NEDD4L: variants seen among roughly 807,000 people sequenced by gnomAD.
NEDD4L encodes E3 ubiquitin-protein ligase NEDD4-like.
Under a neutral mutation model 148.9 loss-of-function variants are expected in NEDD4L, and 54 were observed. The observed-to-expected ratio is 0.36, with a 90% CI of 0.29 to 0.45. NEDD4L has a LOEUF of 0.45. Among genes scored for constraint, NEDD4L ranks in the 20% least tolerant of loss-of-function variants. The pLI is 1.00. For synonymous variants in NEDD4L, 433 were observed against 440.7 expected (o/e 0.98, Z 0.22); for missense variants, 856 against 1,233.8 (o/e 0.69, Z 4.59).
chr18:58,277,853 T>A (rs1429442439), intron 5 of NEDD4L, among the ~76,000 whole-genome samples: 1 of 152,306 alleles, frequency 6.6e-6, no homozygotes, highest in East Asian at 1.9e-4. Context: ...TTTAACTACT[T>A]CTCCATTGTT....
At chr18:58,108,098 A>G (rs2085185988) in intron 1 of NEDD4L, among the ~76,000 whole-genome samples, 1 of 152,204 alleles carries the variant, frequency 6.6e-6, no homozygotes, top group Non-Finnish European at 1.5e-5. Flanking sequence ...TGTGGGATGC[A>G]CATTGATTTA....
chr18:58,327,961 TTTTTG>T (rs955399009), intron 9 of NEDD4L, among the ~76,000 whole-genome samples: 2 of 152,000 alleles, frequency 1.3e-5, no homozygotes, highest in African/African-American at 2.4e-5. Flanking sequence ...TTTCTTTTTT[TTTTTG>T]TTTTGTTTTG....
At chr18:58,084,139 A>G (rs1481014199) in intron 1 of NEDD4L, among the ~76,000 whole-genome samples, 1 of 152,210 alleles carries the variant, frequency 6.6e-6, no homozygotes, top group East Asian at 1.9e-4. Context: ...GGCACAAAAG[A>G]CCACATATTG....
chr18:58,182,804 T>A (rs2039007493), intron 2 of NEDD4L, among the ~76,000 whole-genome samples: 1 of 152,174 alleles, frequency 6.6e-6, no homozygotes, highest in Admixed American at 6.5e-5. Flanking sequence ...TCTCAGATAT[T>A]TCTGCCCCTG....
chr18:58,283,629 G>T (rs1432250531), intron 5 of NEDD4L, among the ~76,000 whole-genome samples: 2 of 152,168 alleles, frequency 1.3e-5, no homozygotes, highest in Non-Finnish European at 2.9e-5. Flanking sequence ...AAAATGTCAG[G>T]CAGTAAGTCT....
intron 3 of NEDD4L, 119 bp from the exon 4 acceptor site, chr18:58,248,780 T>C: frequency 1.6e-6 from 1 of 615,004 alleles, no homozygotes; most frequent in Non-Finnish European, 2.9e-6. Context: ...ATCGACTAAA[T>C]GCTTCTCTTA....
Position 58,256,732 on chromosome 18 carries a change from G to A in NEDD4L, c.297+4678G>A. The A allele has an allele frequency of 8.1e-7, 1 of 1,232,114 alleles. No homozygotes were observed. The highest frequency in any genetic ancestry group is 1.0e-6 in the Non-Finnish European group (1 of 988,030). The allele number at this position is 1,232,114 out of a possible 1,614,324, so 76.3% of individuals were successfully genotyped here. ...AAGAAGCTCCCCAGAATCCCGAGGA[G>A]AAAAGCGCCAAAAGCCCTGTTTCCA... On this transcript the variant is annotated intron_variant, in intron 5 of 30. Coordinates refer to ENST00000400345, the MANE Select transcript of NEDD4L (RefSeq NM_001144967.3). The surrounding 1 kb of genome is among the most constrained non-coding windows in gnomAD (Gnocchi z 5.2).
intron 5 of NEDD4L, among the ~76,000 whole-genome samples, chr18:58,265,407 A>G (rs773914557): frequency 1.3e-5 from 2 of 151,952 alleles, no homozygotes; most frequent in Non-Finnish European, 1.5e-5. Context: ...CTCTCTGAAC[A>G]CCTGCCAGGC....
Position 58,389,169 on chromosome 18 carries a change from C to T in NEDD4L, c.2632C>T (p.Pro878Ser). Reference protein sequence around the residue: ...IYKNGYCPNHPVIQWFWKAVL... With the variant: ...IYKNGYCPNHSVIQWFWKAVL... Reference sequence around the variant, plus strand: ...CAAGAACGGCTACTGCCCAAACCACCCCGTCATTCAGTGGTTCTGGAAGGT... The same window carrying T: ...CAAGAACGGCTACTGCCCAAACCACTCCGTCATTCAGTGGTTCTGGAAGGT... Residue 878 changes from proline to serine, a missense_variant, in exon 28 of 31, where the codon CCC (proline) becomes TCC (serine). Physicochemically the swap from Pro to Ser is moderately conservative, Grantham distance 74 (BLOSUM62 -1). Transcript: ENST00000400345. 6.2e-7 allele frequency: 1 copy of T among 1,613,446 alleles called. No homozygotes were observed. The highest frequency in any genetic ancestry group is 8.5e-7 in the Non-Finnish European group (1 of 1,179,398).
At chr18:58,184,591 TC>T (rs1568346436) in intron 2 of NEDD4L, among the ~76,000 whole-genome samples, 1 of 152,094 alleles carries the variant, frequency 6.6e-6, no homozygotes, top group Admixed American at 6.5e-5. Flanking sequence ...CACAGTGTAG[TC>T]CAGAAATGTT....
At chr18:58,336,691 G>T (rs1411150820) in intron 13 of NEDD4L, among the ~76,000 whole-genome samples, 2 of 152,144 alleles carry the variant, frequency 1.3e-5, no homozygotes, top group African/African-American at 4.8e-5. Flanking sequence ...AGATGTTGAT[G>T]ACTTCAATTT....
rs545901979 is a variant in NEDD4L, at chr18:58,149,521, A to G, written c.49-16267A>G. 1.1e-4 allele frequency: 172 copies of G among 1,551,322 alleles called. 1 individual carries two copies. The African/African-American group carries it at 2.2e-3, about 20-fold the overall frequency. On this transcript the variant is annotated intron_variant, in intron 1 of 30. Transcript: ENST00000400345. ...TCCTTTAATGCACTAAACCTTTAAT[A>G]TTGTATTCTCCTAAATGAGACGTCT... is the stretch of plus-strand genomic sequence containing the variant.
intron 1 of NEDD4L, among the ~76,000 whole-genome samples, chr18:58,071,264 C>T (rs1446509507): frequency 6.6e-6 from 1 of 152,042 alleles, no homozygotes; most frequent in African/African-American, 2.4e-5. Flanking sequence ...GAGCCATGGT[C>T]ATGATCAGGC....
chr18:58,062,987 CAAAAA>C lies in NEDD4L; in HGVS notation c.48+18292_48+18296del, dbSNP rs74183234. Among the ~76,000 whole-genome samples the C allele has an allele frequency of 4.3e-5, 4 of 94,014 alleles. 1 individual carries two copies. The highest frequency in any genetic ancestry group is 4.5e-5 in the African/African-American group (1 of 22,196). The allele number at this position is 94,014 out of a possible 152,430, so 61.7% of individuals were successfully genotyped here. On this transcript the variant is annotated intron_variant, in intron 1 of 30. Transcript: ENST00000400345. ...TGGGCGACAGAGCGAAACTCCATCT[CAAAAA>C]AAAAAAAAAAAAGAAATCGAAGGGT...
intron 2 of NEDD4L, among the ~76,000 whole-genome samples, chr18:58,194,448 A>G (rs989068762): frequency 6.6e-6 from 1 of 152,214 alleles, no homozygotes; most frequent in Non-Finnish European, 1.5e-5. Flanking sequence ...AAAAGGGAGC[A>G]TTCAAGAAAA....
intron 1 of NEDD4L, among the ~76,000 whole-genome samples, chr18:58,116,454 T>A (rs2145747564): frequency 6.6e-6 from 1 of 152,326 alleles, no homozygotes; most frequent in East Asian, 1.9e-4. Context: ...CATCAGAGTT[T>A]ATGGCCTGGG....
chr18:58,300,368 T>C (rs2056304290), intron 5 of NEDD4L, among the ~76,000 whole-genome samples: 1 of 152,250 alleles, frequency 6.6e-6, no homozygotes, highest in African/African-American at 2.4e-5. Flanking sequence ...CTTTGCACTC[T>C]TGAGGATGTA....
intron 6 of NEDD4L, among the ~76,000 whole-genome samples, chr18:58,320,804 C>G (rs1211180743): frequency 6.6e-6 from 1 of 151,896 alleles, no homozygotes; most frequent in African/African-American, 2.4e-5. Flanking sequence ...AGCAGAAGAC[C>G]CTGTCTCTAA....
intron 5 of NEDD4L, among the ~76,000 whole-genome samples, chr18:58,274,976 G>A (rs1383429522): frequency 6.6e-6 from 1 of 152,168 alleles, no homozygotes; most frequent in Non-Finnish European, 1.5e-5. Flanking sequence ...ATCACAATAA[G>A]CAGTATCAGT....
Sources: gnomAD v4.1 joint callset for allele counts (sites outside exome capture counted in the v4.1 genomes callset) on GRCh38, gnomAD v4.1.1 for gene constraint, Gnocchi (gnomAD v3.1) non-coding constraint, MANE v1.5 for transcripts, NCBI Gene and HGNC (gene_info 2026-07-23, HGNC 2026-07-21) for gene names.